The following GPHN variants were observed in gnomAD, a reference collection of about 807,000 sequenced individuals.
GPHN encodes gephyrin.
A neutral mutation model predicts 95.5 loss-of-function variants in GPHN; 17 were observed. The observed-to-expected ratio is 0.18, with a 90% CI of 0.12 to 0.27. The LOEUF (loss-of-function observed/expected upper bound fraction) is 0.27, where lower values mean the gene tolerates loss of function less well. Ranked by LOEUF, GPHN falls within the 10% of genes least tolerant of loss-of-function variation. GPHN has a pLI of 1.00. For missense variants in GPHN, 660 were observed against 978.1 expected (o/e 0.67, Z 4.34); for synonymous variants, 320 against 322.5 (o/e 0.99, Z 0.08).
At chr14:67,572,106 C>T in the GPHN span, 82 of 1,592,968 alleles carry the variant, frequency 5.1e-5, 1 homozygote, top group East Asian at 4.6e-4. Flanking sequence ...GTGTGGGACC[C>T]GGGCCTTGAC....
At chr14:67,575,525 T>A in the GPHN span, 8 of 1,113,196 alleles carry the variant, frequency 7.2e-6, no homozygotes, top group Non-Finnish European at 9.4e-6. Flanking sequence ...CCGAAGCACA[T>A]GACTGCCACT....
At chr14:67,483,406 G>A in the GPHN span, among the ~76,000 whole-genome samples, 1 of 152,148 alleles carries the variant, frequency 6.6e-6, no homozygotes, top group African/African-American at 2.4e-5. Context: ...ACACTGCACT[G>A]CCCCCGAGGC....
At chr14:67,719,991 T>G in the GPHN span, among the ~76,000 whole-genome samples, 1 of 152,208 alleles carries the variant, frequency 6.6e-6, no homozygotes, top group Non-Finnish European at 1.5e-5. Context: ...ATGCACAGCT[T>G]TACTAGACAT....
the GPHN span, among the ~76,000 whole-genome samples, chr14:67,722,864 T>C: frequency 1.3e-5 from 2 of 152,112 alleles, no homozygotes; most frequent in African/African-American, 4.8e-5. Context: ...GTGGATACCA[T>C]GGTGGAAAAC....
chr14:66,548,030 C>T (rs555507831), intron 1 of GPHN, among the ~76,000 whole-genome samples: 2 of 151,498 alleles, frequency 1.3e-5, no homozygotes, highest in Non-Finnish European at 2.9e-5. Flanking sequence ...ATCCAGCAGA[C>T]TTGTTGGTAT....
chr14:67,100,246 A>G (rs1368389084), intron 12 of GPHN, among the ~76,000 whole-genome samples: 1 of 152,214 alleles, frequency 6.6e-6, no homozygotes, highest in Non-Finnish European at 1.5e-5. Context: ...GAAATTGTTC[A>G]GAGTACTTTA....
At chr14:67,730,991 A>G in the GPHN span, among the ~76,000 whole-genome samples, 1 of 152,184 alleles carries the variant, frequency 6.6e-6, no homozygotes, top group Non-Finnish European at 1.5e-5. Flanking sequence ...ATGAGATAAA[A>G]GATATCTCAT....
intron 16 of GPHN, among the ~76,000 whole-genome samples, chr14:67,113,520 A>G (rs1432166315): frequency 6.6e-6 from 1 of 152,234 alleles, no homozygotes; most frequent in Admixed American, 6.5e-5. Flanking sequence ...TGTTTAGACA[A>G]TGAATTGTGC....
the GPHN span, among the ~76,000 whole-genome samples, chr14:67,217,155 G>T: frequency 6.8e-6 from 1 of 147,870 alleles, no homozygotes; most frequent in South Asian, 2.2e-4. Context: ...ACTATAGAAT[G>T]ACTTTCTTCA....
intron 2 of GPHN, among the ~76,000 whole-genome samples, chr14:66,769,234 G>C (rs894262854): frequency 1.3e-5 from 2 of 152,024 alleles, no homozygotes; most frequent in African/African-American, 2.4e-5. Context: ...TTCTTAAAGT[G>C]TATGTTAGTC....
the GPHN span, among the ~76,000 whole-genome samples, chr14:67,657,752 T>C: frequency 3.1e-5 from 1 of 32,054 alleles, no homozygotes; most frequent in South Asian, 2.0e-3. Context: ...TCTTTCTTTC[T>C]TTTTTTTTTT....
the GPHN span, among the ~76,000 whole-genome samples, chr14:67,220,723 C>T: frequency 6.6e-6 from 1 of 152,120 alleles, no homozygotes; most frequent in African/African-American, 2.4e-5. Context: ...ATCTATTTTT[C>T]AAGGTACATT....
chr14:66,769,630 T>C (rs1595846578), intron 2 of GPHN, among the ~76,000 whole-genome samples: 1 of 152,266 alleles, frequency 6.6e-6, no homozygotes, highest in East Asian at 1.9e-4. Flanking sequence ...TCCAGCTCCA[T>C]CCAAGTCCCT....
intron 9 of GPHN, among the ~76,000 whole-genome samples, chr14:67,013,477 C>G (rs2153618531): frequency 6.6e-6 from 1 of 152,152 alleles, no homozygotes; most frequent in East Asian, 1.9e-4. Context: ...TACTTGTTAA[C>G]TATTACTTGG....
intron 17 of GPHN, among the ~76,000 whole-genome samples, chr14:67,142,135 A>G (rs2080498643): frequency 6.6e-6 from 1 of 152,190 alleles, no homozygotes; most frequent in Non-Finnish European, 1.5e-5. Flanking sequence ...AGATGTCCAT[A>G]GGGAAGAAAG....
intron 2 of GPHN, among the ~76,000 whole-genome samples, chr14:66,775,622 A>G (rs867301039): frequency 6.6e-6 from 1 of 152,110 alleles, no homozygotes; most frequent in Non-Finnish European, 1.5e-5. Context: ...TTCATTTCCT[A>G]GTTCCTTCAG....
the GPHN span, chr14:67,620,172 G>C: frequency 1.0e-6 from 1 of 988,186 alleles, no homozygotes; most frequent in Non-Finnish European, 1.5e-6. Flanking sequence ...GCGGGGGACC[G>C]GGAGGCGAGG....
chr14:66,677,305 A>C (rs2066663146), intron 1 of GPHN, among the ~76,000 whole-genome samples: 1 of 151,546 alleles, frequency 6.6e-6, no homozygotes, highest in African/African-American at 2.4e-5. Context: ...TTCTTATTTT[A>C]GGTTTGGCTT....
chr14:67,486,541 G>C, the GPHN span, among the ~76,000 whole-genome samples: 1 of 152,130 alleles, frequency 6.6e-6, no homozygotes, highest in Non-Finnish European at 1.5e-5. Flanking sequence ...CCAAAGTGCT[G>C]GGATTACAGG....
Sources: allele counts gnomAD v4.1 joint callset (sites outside exome capture counted in the v4.1 genomes callset), GRCh38; gene constraint gnomAD v4.1.1; transcripts MANE v1.5; gene names NCBI Gene and HGNC (gene_info 2026-07-23, HGNC 2026-07-21).